B3GALT1: variants seen among roughly 807,000 people sequenced by gnomAD.
B3GALT1 encodes beta-1,3-galactosyltransferase 1.
B3GALT1 carries 10 observed loss-of-function variants against 23.2 expected under a neutral mutation model. That is an observed-to-expected ratio of 0.43 (90% CI 0.27 to 0.73). The LOEUF is 0.73. B3GALT1 is among the 30% of genes least tolerant of loss of function. The pLI, the probability that B3GALT1 is intolerant of heterozygous loss-of-function variation, is 0.21. For missense variants in B3GALT1, 299 were observed against 405.4 expected, an observed-to-expected ratio of 0.74 and a Z score of 2.25; for synonymous variants, 156 against 141.5, an observed-to-expected ratio of 1.10 and a Z score of -0.73.
chr2:167,319,345 T>C (rs929314146), intron 1 of B3GALT1, among the ~76,000 whole-genome samples: 5 of 152,128 alleles, frequency 3.3e-5, no homozygotes, highest in Non-Finnish European at 7.4e-5. Flanking sequence ...CTCTGATAGC[T>C]GAAATTCCTT....
chr2:167,556,294 G>C (rs903516031), intron 2 of B3GALT1, among the ~76,000 whole-genome samples: 1 of 152,072 alleles, frequency 6.6e-6, no homozygotes, highest in Non-Finnish European at 1.5e-5. Context: ...GAGCGCAAAT[G>C]AGGCATTGGA....
chr2:167,775,115 A>C (rs1688139185), intron 3 of B3GALT1, among the ~76,000 whole-genome samples: 2 of 152,228 alleles, frequency 1.3e-5, no homozygotes, highest in Admixed American at 1.3e-4. Flanking sequence ...AGGAAGATAA[A>C]TATATATTTT....
Position 167,293,024 on chromosome 2 carries a change from G to T in B3GALT1, c.-821G>T, listed in dbSNP as rs908595538. 7.2e-5 allele frequency: 11 copies of T among 151,922 alleles called. No individual in the cohort carries two copies. Among genetic ancestry groups the T allele is most frequent in the Non-Finnish European group, 1.2e-4 (8 of 67,966 alleles). 9.4% of individuals were successfully genotyped at this position (151,922 alleles called of 1,614,324 possible). A position where few individuals can be genotyped will look rare whatever the true frequency, so the allele number is the denominator to read the frequency against. On this transcript the variant is annotated 5_prime_UTR_variant, in exon 1 of 5. Coordinates refer to ENST00000392690, the MANE Select transcript of B3GALT1 (RefSeq NM_020981.4). ...CCAGAGCCATCGCCGGGGAAGCGCA[G>T]CCGGGCTCGGGTGCTTCGGCTGCCG...
At chr2:167,549,980 G>A (rs1198664346) in intron 2 of B3GALT1, among the ~76,000 whole-genome samples, 3 of 152,030 alleles carry the variant, frequency 2.0e-5, no homozygotes, top group Non-Finnish European at 4.4e-5. Flanking sequence ...TATTTTTTAA[G>A]GTTTTTAGTT....
chr2:167,850,067 T>C (rs1374703872), intron 4 of B3GALT1, among the ~76,000 whole-genome samples: 3 of 151,920 alleles, frequency 2.0e-5, no homozygotes, highest in Non-Finnish European at 4.4e-5. Context: ...ACTAAAGAGC[T>C]TTTGCACAGC....
chr2:167,318,022 G>T (rs1194271155), intron 1 of B3GALT1, among the ~76,000 whole-genome samples: 1 of 151,962 alleles, frequency 6.6e-6, no homozygotes, highest in Non-Finnish European at 1.5e-5. Context: ...TCAATATTCT[G>T]ATCCTTACAT....
At chr2:167,514,083 AT>A (rs1202873369) in intron 2 of B3GALT1, among the ~76,000 whole-genome samples, 1 of 151,856 alleles carries the variant, frequency 6.6e-6, no homozygotes, top group Admixed American at 6.6e-5. Context: ...ATTTTTTTGT[AT>A]CTTTAGTAGA....
At chr2:167,664,349 G>C (rs1262353022) in intron 3 of B3GALT1, among the ~76,000 whole-genome samples, 1 of 151,534 alleles carries the variant, frequency 6.6e-6, no homozygotes, top group African/African-American at 2.4e-5. Context: ...GTACCATGCT[G>C]TTTTGGTTAC....
At chr2:167,679,117 TTTTTG>T (rs1256396885) in intron 3 of B3GALT1, among the ~76,000 whole-genome samples, 81 of 115,412 alleles carry the variant, frequency 7.0e-4, no homozygotes, top group African/African-American at 2.0e-3. Context: ...TGTTTTTTTG[TTTTTG>T]TTTTTTTTTT....
rs144568870 is a variant in B3GALT1 at position 167,683,564 on chromosome 2, T to C, written c.-352+36598T>C. 7.9e-3 allele frequency among the ~76,000 whole-genome samples: 1,201 copies of C among 152,100 alleles called. 17 individuals are homozygous for C. The highest frequency in any genetic ancestry group is 0.028 in the African/African-American group (1,145 of 41,492). The stretch of plus-strand genomic sequence containing the variant: ...GACCAAACTCCATCTCTACAAAAAA[T>C]ACAAAAATTAGCTGGGCATGGTGGT... On this transcript the variant is annotated intron_variant, in intron 3 of 4. Coordinates refer to ENST00000392690, the MANE Select transcript of B3GALT1 (RefSeq NM_020981.4).
chr2:167,630,754 A>G (rs983553207), intron 2 of B3GALT1, among the ~76,000 whole-genome samples: 1 of 151,778 alleles, frequency 6.6e-6, no homozygotes, highest in Non-Finnish European at 1.5e-5. Flanking sequence ...TTTTCTGTAT[A>G]TTTGAAAATT....
intron 2 of B3GALT1, among the ~76,000 whole-genome samples, chr2:167,571,751 G>A (rs1380460083): frequency 6.6e-6 from 1 of 151,914 alleles, no homozygotes; most frequent in East Asian, 1.9e-4. Flanking sequence ...CACTTCCGAA[G>A]TTAAGCAGGT....
chr2:167,543,946 A>C (rs1266500246), intron 2 of B3GALT1, among the ~76,000 whole-genome samples: 3 of 152,254 alleles, frequency 2.0e-5, no homozygotes, highest in Non-Finnish European at 1.5e-5. Flanking sequence ...TAAAAATGTC[A>C]TTAGTGCCCT....
At chr2:167,394,064 ATAT>A (rs1698058261) in intron 1 of B3GALT1, among the ~76,000 whole-genome samples, 1 of 152,220 alleles carries the variant, frequency 6.6e-6, no homozygotes, top group Non-Finnish European at 1.5e-5. Flanking sequence ...GCCATTCTTC[ATAT>A]TTAATTTTAG....
chr2:167,706,966 C>CTTA (rs1686975704), intron 3 of B3GALT1, among the ~76,000 whole-genome samples: 2 of 152,228 alleles, frequency 1.3e-5, no homozygotes, highest in South Asian at 2.1e-4. Flanking sequence ...TGGCCTAAAT[C>CTTA]CTCTCCTTTG....
intron 1 of B3GALT1, among the ~76,000 whole-genome samples, chr2:167,404,471 T>G (rs897230013): frequency 2.0e-5 from 3 of 152,192 alleles, no homozygotes; most frequent in African/African-American, 7.2e-5. Flanking sequence ...TTCAGTTAAT[T>G]AACAGGTTGT....
At chr2:167,698,046 CTG>C (rs1558952048) in intron 3 of B3GALT1, among the ~76,000 whole-genome samples, 2 of 152,164 alleles carry the variant, frequency 1.3e-5, no homozygotes, top group African/African-American at 2.4e-5. Flanking sequence ...CACTTCATAA[CTG>C]TGAATTTTAA....
At chr2:167,743,460 C>G (rs535226636) in intron 3 of B3GALT1, among the ~76,000 whole-genome samples, 3 of 152,110 alleles carry the variant, frequency 2.0e-5, no homozygotes, top group Non-Finnish European at 4.4e-5. Flanking sequence ...TTCTATATCT[C>G]CAATTACTAA....
intron 1 of B3GALT1, among the ~76,000 whole-genome samples, chr2:167,302,481 A>G (rs1011070100): frequency 6.6e-6 from 1 of 152,140 alleles, no homozygotes; most frequent in Admixed American, 6.5e-5. Context: ...TGTTTTCTAC[A>G]TTGTTACTAT....
Sources: allele counts gnomAD v4.1 joint callset (sites outside exome capture counted in the v4.1 genomes callset), GRCh38; gene constraint gnomAD v4.1.1; transcripts MANE v1.5; gene names NCBI Gene and HGNC (gene_info 2026-07-23, HGNC 2026-07-21).